Variants in CNTLN observed in about 807,000 individuals in gnomAD.
CNTLN encodes the protein centlein.
Under a neutral mutation model 180.0 loss-of-function variants are expected in CNTLN, and 212 were observed. That is an observed-to-expected ratio of 1.18 (90% CI 1.05 to 1.32). The LOEUF is 1.32. CNTLN is among the 40% of genes most tolerant of loss of function. CNTLN has a pLI of 0.00. For missense variants in CNTLN, 2,095 were observed against 1,610.9 expected, an observed-to-expected ratio of 1.30 and a Z score of -5.14; for synonymous variants, 722 against 563.1, an observed-to-expected ratio of 1.28 and a Z score of -3.99.
chr9:17,150,388 C>A (rs1024572888), intron 2 of CNTLN, among the ~76,000 whole-genome samples: 1 of 152,210 alleles, frequency 6.6e-6, no homozygotes, highest in African/African-American at 2.4e-5. Flanking sequence ...GTTTTCCCAA[C>A]ACCATTTATT....
At chr9:17,187,602 G>T (rs1055805815) in intron 2 of CNTLN, among the ~76,000 whole-genome samples, 1 of 151,812 alleles carries the variant, frequency 6.6e-6, no homozygotes, top group African/African-American at 2.4e-5. Flanking sequence ...TCATGTTTTT[G>T]TAGTGTGCTA....
chr9:17,483,989 G>A lies in CNTLN; in HGVS notation c.3856-306G>A, dbSNP rs77790778. 2.0e-5 allele frequency among the ~76,000 whole-genome samples: 3 copies of A among 152,290 alleles called. No individual in the cohort carries two copies. In the East Asian group the frequency reaches 5.8e-4, roughly 29 times the overall value. On this transcript the variant is annotated intron_variant, in intron 23 of 25. Transcript: ENST00000380647. ...AGTGTTAGGTCAACTAGTAGAAGTT[G>A]TTGTGCTGATTAAAAATAGCCTGCC...
chr9:17,363,282 CT>C (rs1389375402), intron 12 of CNTLN, among the ~76,000 whole-genome samples: 1 of 152,166 alleles, frequency 6.6e-6, no homozygotes, highest in African/African-American at 2.4e-5. Context: ...GTTCTAGATC[CT>C]TGAGAAATCG....
At chr9:17,140,484 C>T (rs1385310997) in intron 1 of CNTLN, among the ~76,000 whole-genome samples, 1 of 152,042 alleles carries the variant, frequency 6.6e-6, no homozygotes, top group Admixed American at 6.6e-5. Flanking sequence ...TGGTCTATTG[C>T]CCAGGCTGTA....
intron 5 of CNTLN, among the ~76,000 whole-genome samples, chr9:17,256,515 A>G (rs1826499009): frequency 6.7e-6 from 1 of 149,898 alleles, no homozygotes; most frequent in African/African-American, 2.4e-5. Context: ...ATGATTAGTG[A>G]TTTTGAGCAT....
At chr9:17,266,191 T>C (rs1011550042) in intron 5 of CNTLN, among the ~76,000 whole-genome samples, 30 of 152,186 alleles carry the variant, frequency 2.0e-4, no homozygotes, top group African/African-American at 5.8e-4. Context: ...ATAAATTTCC[T>C]TCTACACACT....
At chr9:17,474,090 C>G (rs1006027439) in intron 23 of CNTLN, among the ~76,000 whole-genome samples, 3 of 152,086 alleles carry the variant, frequency 2.0e-5, no homozygotes. Flanking sequence ...TATACTCGCT[C>G]TCTAGACAAT....
intron 5 of CNTLN, among the ~76,000 whole-genome samples, chr9:17,262,524 T>A (rs1827073088): frequency 6.6e-6 from 1 of 151,224 alleles, no homozygotes; most frequent in Admixed American, 6.6e-5. Context: ...AGTTGAACAA[T>A]GAGAACACAT....
chr9:17,386,382 A>C (rs946357442), intron 13 of CNTLN, among the ~76,000 whole-genome samples: 1 of 152,334 alleles, frequency 6.6e-6, no homozygotes, highest in East Asian at 1.9e-4. Context: ...ATGAATGTTT[A>C]TACTAGTAAA....
At chr9:17,355,537 G>A (rs1474128934) in intron 12 of CNTLN, among the ~76,000 whole-genome samples, 1 of 152,088 alleles carries the variant, frequency 6.6e-6, no homozygotes, top group Non-Finnish European at 1.5e-5. Context: ...TTATCCTCAT[G>A]TTTTTCTGTA....
At chr9:17,491,631 A>G (rs1029042620) in intron 25 of CNTLN, among the ~76,000 whole-genome samples, 9 of 152,012 alleles carry the variant, frequency 5.9e-5, no homozygotes, top group Middle Eastern at 3.4e-3. Context: ...CTTTGTATAG[A>G]TCATTTTCTT....
At chr9:17,266,486 G>T (rs1042698808) in intron 5 of CNTLN, among the ~76,000 whole-genome samples, 1 of 152,060 alleles carries the variant, frequency 6.6e-6, no homozygotes, top group Non-Finnish European at 1.5e-5. Context: ...AATAGGTGTG[G>T]TGTGCTGCTG....
At chr9:17,311,555 A>T (rs1196626856) in intron 8 of CNTLN, among the ~76,000 whole-genome samples, 1 of 150,454 alleles carries the variant, frequency 6.6e-6, no homozygotes, top group African/African-American at 2.4e-5. Flanking sequence ...CACGCCTGTA[A>T]TCCCAGCACT....
At chr9:17,230,165 T>C (rs1824720424) in intron 3 of CNTLN, among the ~76,000 whole-genome samples, 1 of 152,142 alleles carries the variant, frequency 6.6e-6, no homozygotes, top group African/African-American at 2.4e-5. Flanking sequence ...TATTTGGACA[T>C]GTTTTGGCAA....
At chr9:17,169,486 T>A (rs769214700) in intron 2 of CNTLN, among the ~76,000 whole-genome samples, 1 of 152,232 alleles carries the variant, frequency 6.6e-6, no homozygotes, top group Non-Finnish European at 1.5e-5. Context: ...ACAAGACCGA[T>A]GTCAAGGAGC....
chr9:17,231,851 C>G (rs550069816), intron 3 of CNTLN, among the ~76,000 whole-genome samples: 2 of 151,120 alleles, frequency 1.3e-5, no homozygotes, highest in African/African-American at 4.9e-5. Flanking sequence ...TTCATACTCA[C>G]TATTATTCTC....
At chr9:17,243,659 CTG>C (rs1366087221) in intron 5 of CNTLN, among the ~76,000 whole-genome samples, 1 of 152,048 alleles carries the variant, frequency 6.6e-6, no homozygotes, top group Admixed American at 6.6e-5. Context: ...TTTTATTCCA[CTG>C]TGGTCAGAGA....
At chr9:17,289,015 G>A (rs1373607582) in intron 6 of CNTLN, among the ~76,000 whole-genome samples, 2 of 123,246 alleles carry the variant, frequency 1.6e-5, no homozygotes, top group African/African-American at 7.2e-5. Flanking sequence ...TACATTTAAA[G>A]TTAATATTGT....
intron 13 of CNTLN, among the ~76,000 whole-genome samples, chr9:17,367,502 C>T (rs1009614429): frequency 6.6e-6 from 1 of 152,136 alleles, no homozygotes; most frequent in South Asian, 2.1e-4. Flanking sequence ...CCTACTGAGA[C>T]ACCAGCCAGG....
Sources: gnomAD v4.1 joint callset for allele counts (sites outside exome capture counted in the v4.1 genomes callset) on GRCh38, gnomAD v4.1.1 for gene constraint, MANE v1.5 for transcripts, NCBI Gene and HGNC (gene_info 2026-07-23, HGNC 2026-07-21) for gene names.